MFSD1: variants seen among roughly 807,000 people sequenced by gnomAD.
MFSD1 encodes lysosomal dipeptide transporter MFSD1.
A neutral mutation model predicts 67.1 loss-of-function variants in MFSD1; 59 were observed. The observed-to-expected ratio is 0.88, with a 90% confidence interval of 0.71 to 1.09. The LOEUF (loss-of-function observed/expected upper bound fraction) is 1.09, where lower values mean the gene tolerates loss of function less well. Ranked by LOEUF, MFSD1 falls within the 50% of genes least tolerant of loss-of-function variation. The probability of loss-of-function intolerance (pLI) is 0.00; values close to 1 mark genes in which losing one functional copy is unlikely to be tolerated. For missense variants in MFSD1, 552 were observed against 566.1 expected, an observed-to-expected ratio of 0.97 and a Z score of 0.25; for synonymous variants, 213 against 200.3, an observed-to-expected ratio of 1.06 and a Z score of -0.54.
At chr3:158,827,631 G>GCA (rs1452966258) in intron 15 of MFSD1, among the ~76,000 whole-genome samples, 2 of 151,914 alleles carry the variant, frequency 1.3e-5, no homozygotes, top group Non-Finnish European at 2.9e-5. Context: ...GCCCAGGCTG[G>GCA]TCTAGAACTC....
Position 158,820,223 on chromosome 3 carries a change from A to G in MFSD1, c.760A>G (p.Ile254Val). The change falls in exon 9 of 16, where the codon ATT (isoleucine) becomes GTT (valine). Residue 254 changes from isoleucine (I) to valine (V), a missense_variant. Ile to Val is a conservative substitution (Grantham distance 29). Coordinates refer to ENST00000415822, the MANE Select transcript of MFSD1 (RefSeq NM_022736.4). ...TCCCTTTCTTCTCTAAGGTGAAGTT[A>G]TTAAATTAACTGATGTAAAGGACTT... ...HKEQGKTGEV[I>V]KLTDVKDFSL... 4 of 1,585,052 alleles carry G rather than the reference A, an allele frequency of 2.5e-6. No individual in the cohort carries two copies. Among genetic ancestry groups the G allele is most frequent in the Non-Finnish European group, 3.5e-6 (4 of 1,154,114 alleles).
At chr3:158,808,349 G>C (rs1729829223) in intron 5 of MFSD1, among the ~76,000 whole-genome samples, 1 of 152,140 alleles carries the variant, frequency 6.6e-6, no homozygotes, top group Non-Finnish European at 1.5e-5. Flanking sequence ...GGATATGGAG[G>C]AAGGAAGCTC....
chr3:158,805,062 C>T (rs565666499), intron 2 of MFSD1, among the ~76,000 whole-genome samples: 1 of 152,208 alleles, frequency 6.6e-6, no homozygotes, highest in South Asian at 2.1e-4. Context: ...AAGTTATAGT[C>T]AGACAGAAGT....
In MFSD1 at chr3:158,819,736, A is replaced by G. The variant is rs764094496; in HGVS notation, c.740A>G (p.Gln247Arg). Residue 247 changes from glutamine to arginine, a missense_variant, in exon 8 of 16, where the codon CAA becomes CGA. Transcript: ENST00000415822. The stretch of plus-strand genomic sequence containing the variant: ...GCAGAGAGAATCCTTCATAAAGAAC[A>G]AGGAAAAACAGGTAAGTCTAAATGA... Reference protein sequence around the residue: ...QRAERILHKEQGKTGEVIKLT... With the variant: ...QRAERILHKERGKTGEVIKLT... The G allele has an allele frequency of 1.7e-5, 27 of 1,597,180 alleles. No individual in the cohort carries two copies. The highest frequency in any genetic ancestry group is 2.2e-5 in the Non-Finnish European group (26 of 1,166,732).
At chr3:158,827,909 AGAGGG>A (rs1731071196) in intron 15 of MFSD1, among the ~76,000 whole-genome samples, 2 of 89,436 alleles carry the variant, frequency 2.2e-5, no homozygotes, top group African/African-American at 1.2e-4. Flanking sequence ...AGAGAGAGAG[AGAGGG>A]GGAGAGAGAG....
At chr3:158,817,186 C>T (rs899447444) in intron 7 of MFSD1, among the ~76,000 whole-genome samples, 7 of 152,108 alleles carry the variant, frequency 4.6e-5, no homozygotes, top group African/African-American at 1.7e-4. Context: ...TGAAAACTGG[C>T]ACAAGACAGG....
intron 14 of MFSD1, 26 bp downstream of exon 14, chr3:158,826,088 T>G (rs761430444): frequency 1.2e-6 from 2 of 1,604,658 alleles, no homozygotes; most frequent in South Asian, 1.1e-5. Context: ...GATATTTGCT[T>G]CTTAAACCGC....
chr3:158,823,322 A>C, intron 11 of MFSD1, 106 bp from the exon 12 acceptor site: 1 of 796,120 alleles, frequency 1.3e-6, no homozygotes, highest in Middle Eastern at 2.3e-4. Context: ...AATTTGCTTG[A>C]ATATATATAT....
Position 158,829,161 on chromosome 3 carries a change from T to C in MFSD1, c.*179T>C. 1 of 432,318 alleles carries C rather than the reference T, an allele frequency of 2.3e-6. No homozygotes were observed. The highest frequency in any genetic ancestry group is 4.0e-6 in the Non-Finnish European group (1 of 252,840). 26.8% of individuals were successfully genotyped at this position (432,318 alleles called of 1,614,324 possible). On this transcript the variant is annotated 3_prime_UTR_variant, in exon 16 of 16. Transcript: ENST00000415822. Reference sequence around the variant, plus strand: ...GAGGCCTGTTTTAGCCTGTGTCTTTTGTATTGTGTGTTGCTAAAGAATTCT... The same window carrying C: ...GAGGCCTGTTTTAGCCTGTGTCTTTCGTATTGTGTGTTGCTAAAGAATTCT...
At chr3:158,802,414 G>A (rs1370426728) in intron 1 of MFSD1, 99 bp downstream of exon 1, 24 of 1,376,910 alleles carry the variant, frequency 1.7e-5, no homozygotes, top group Admixed American at 5.4e-5. Flanking sequence ...CGGGGCCTCA[G>A]CGCAGCTTCT....
chr3:158,810,481 A>G (rs910729470), intron 6 of MFSD1, among the ~76,000 whole-genome samples: 2 of 152,232 alleles, frequency 1.3e-5, no homozygotes, highest in Admixed American at 1.3e-4. Flanking sequence ...ATACTTCATC[A>G]TATGAGTATT....
At chr3:158,805,508 C>T (rs1409072503) in intron 3 of MFSD1, 34 bp downstream of exon 3, 1 of 1,443,332 alleles carries the variant, frequency 6.9e-7, no homozygotes, top group Non-Finnish European at 9.8e-7. Context: ...GTAAATCTTA[C>T]CTGATTGTTA....
intron 9 of MFSD1, among the ~76,000 whole-genome samples, chr3:158,820,894 G>A (rs961596628): frequency 6.6e-6 from 1 of 152,046 alleles, no homozygotes; most frequent in Non-Finnish European, 1.5e-5. Context: ...CTTTGGATGG[G>A]GACACAGCCA....
rs776986735 is a variant in MFSD1, at chr3:158,821,988, G to A, written c.925G>A (p.Val309Ile). ...TCTTATGTGTTCTCTGGGCAGTGTT[G>A]TATATGTCATATCAGCTCCCATGTC... ...SQAASAINSV[V>I]YVISAPMSPV... The change falls in exon 11 of 16, where the codon GTA becomes ATA. Residue 309 changes from valine to isoleucine, a missense_variant. By Grantham distance (29) the Val-to-Ile change is conservative (BLOSUM62 3). Transcript: ENST00000415822. 1.2e-6 allele frequency: 2 copies of A among 1,613,288 alleles called. No individual in the cohort carries two copies. The highest frequency in any genetic ancestry group is 1.3e-5 in the African/African-American group (1 of 74,900).
intron 1 of MFSD1, chr3:158,802,687 C>T (rs1367669668): frequency 4.5e-6 from 2 of 447,142 alleles, no homozygotes; most frequent in Non-Finnish European, 8.5e-6. Flanking sequence ...TTTAACTGTT[C>T]CTAAACAACT....
intron 13 of MFSD1, 144 bp from the exon 14 acceptor site, chr3:158,825,871 A>G: frequency 1.5e-6 from 1 of 681,292 alleles, no homozygotes; most frequent in Non-Finnish European, 2.5e-6. Context: ...TTTGGAAAAT[A>G]AAATAATGGG....
At chr3:158,807,552 G>C (rs1342075145) in intron 5 of MFSD1, 89 bp downstream of exon 5, 1 of 1,041,742 alleles carries the variant, frequency 9.6e-7, no homozygotes, top group Middle Eastern at 2.5e-4. Context: ...GTCTCTTCTG[G>C]GGAATTACTT....
chr3:158,805,861 T>TG (rs1222567032), intron 3 of MFSD1, among the ~76,000 whole-genome samples: 2 of 152,098 alleles, frequency 1.3e-5, no homozygotes, highest in East Asian at 3.9e-4. Flanking sequence ...CCTTGCAAGG[T>TG]GGTTATGAGG....
In MFSD1 at chr3:158,822,100, T is replaced by C. The variant is rs751827274; in HGVS notation, c.1037T>C (p.Met346Thr). The C allele has an allele frequency of 6.2e-7, 1 of 1,613,956 alleles. No homozygotes were observed. The highest frequency in any genetic ancestry group is 8.5e-7 in the Non-Finnish European group (1 of 1,179,872). Residue 346 changes from methionine to threonine, a missense_variant, in exon 11 of 16, where the codon ATG becomes ACG. Met to Thr is a moderately conservative substitution (Grantham distance 81, BLOSUM62 -1). Transcript: ENST00000415822. ...GTAGCAGCCACTCTTGTGTCCCACA[T>C]GATGCTGGCCTTTACGATGTGGAAC... Reference protein sequence around the residue: ...CAVAATLVSHMMLAFTMWNPW... With the variant: ...CAVAATLVSHTMLAFTMWNPW...
Sources: gnomAD v4.1 joint callset for allele counts (sites outside exome capture counted in the v4.1 genomes callset) on GRCh38, gnomAD v4.1.1 for gene constraint, MANE v1.5 for transcripts, NCBI Gene and HGNC (gene_info 2026-07-23, HGNC 2026-07-21) for gene names.